The following KLF12 variants were observed in gnomAD, a reference collection of about 807,000 sequenced individuals.
KLF12 encodes the protein Krueppel-like factor 12.
A neutral mutation model predicts 37.8 loss-of-function variants in KLF12; 9 were observed. The observed-to-expected ratio is 0.24, with a 90% CI of 0.14 to 0.42. The LOEUF (loss-of-function observed/expected upper bound fraction) is 0.42. Among genes scored for constraint, KLF12 ranks in the 10% least tolerant of loss-of-function variants. KLF12 has a pLI of 1.00. For missense variants in KLF12, 411 were observed against 516.0 expected, an observed-to-expected ratio of 0.80 and a Z score of 1.97; for synonymous variants, 208 against 202.1, an observed-to-expected ratio of 1.03 and a Z score of -0.25.
chr13:74,020,304 C>G (rs1892808370), intron 1 of KLF12, among the ~76,000 whole-genome samples: 3 of 152,174 alleles, frequency 2.0e-5, no homozygotes, highest in Admixed American at 1.3e-4. Flanking sequence ...CTCTATTCAA[C>G]CTATCACAGC....
At chr13:74,248,255 T>C in the KLF12 span, among the ~76,000 whole-genome samples, 2 of 152,224 alleles carry the variant, frequency 1.3e-5, no homozygotes, top group Non-Finnish European at 2.9e-5. Flanking sequence ...ATTCAGATTT[T>C]GAGCCTGAAA....
intron 6 of KLF12, among the ~76,000 whole-genome samples, chr13:73,723,141 T>C (rs895560223): frequency 1.8e-4 from 28 of 152,222 alleles, no homozygotes; most frequent in African/African-American, 6.0e-4. Context: ...TCTGTTCTGG[T>C]TGGCTATATT....
chr13:73,723,671 C>T (rs1876442119), intron 6 of KLF12, among the ~76,000 whole-genome samples: 1 of 152,138 alleles, frequency 6.6e-6, no homozygotes, highest in African/African-American at 2.4e-5. Flanking sequence ...GATTTGGGGA[C>T]TCTCTAGAAT....
chr13:74,149,204 C>G, the KLF12 span, among the ~76,000 whole-genome samples: 1 of 152,192 alleles, frequency 6.6e-6, no homozygotes, highest in Non-Finnish European at 1.5e-5. Flanking sequence ...ATGCTGACAA[C>G]TCTCAAATGT....
chr13:73,882,367 G>C (rs1887021921), intron 3 of KLF12, among the ~76,000 whole-genome samples: 1 of 152,182 alleles, frequency 6.6e-6, no homozygotes, highest in East Asian at 1.9e-4. Flanking sequence ...TATACTGAAA[G>C]AGACAGACGT....
chr13:74,093,024 T>C lies in KLF12; in HGVS notation c.-32+40715A>G, dbSNP rs529733860. 1.1e-4 allele frequency among the ~76,000 whole-genome samples: 17 copies of C among 152,322 alleles called. No individual in the cohort carries two copies. In the South Asian group the frequency reaches 1.5e-3, roughly 13 times the overall value. ...TTGAGGGGAACCAGGTGGAATTTAA[T>C]GTGGATCAGAGAGACAGAAAGAAAC... is the stretch of plus-strand genomic sequence containing the variant. On this transcript the variant is annotated intron_variant, in intron 1 of 7. Coordinates refer to ENST00000377669, the MANE Select transcript of KLF12 (RefSeq NM_007249.5).
chr13:74,158,179 G>T, the KLF12 span, among the ~76,000 whole-genome samples: 2 of 152,178 alleles, frequency 1.3e-5, no homozygotes, highest in African/African-American at 4.8e-5. Context: ...TGGGTGGTCC[G>T]CATAGGTCCG....
chr13:74,175,698 A>G, the KLF12 span, among the ~76,000 whole-genome samples: 1 of 152,178 alleles, frequency 6.6e-6, no homozygotes. Context: ...TTGGAATTTT[A>G]TGAGAGACAC....
At chr13:74,233,607 A>G in the KLF12 span, among the ~76,000 whole-genome samples, 1 of 152,304 alleles carries the variant, frequency 6.6e-6, no homozygotes, top group African/African-American at 2.4e-5. Context: ...TAACTCATGA[A>G]TTGTTTGTAG....
At chr13:73,825,438 A>G (rs1028344168) in intron 4 of KLF12, among the ~76,000 whole-genome samples, 3 of 152,238 alleles carry the variant, frequency 2.0e-5, no homozygotes, top group Admixed American at 6.5e-5. Context: ...AGTATACACT[A>G]TAACACCAAG....
intron 1 of KLF12, among the ~76,000 whole-genome samples, chr13:74,086,465 G>T (rs1446934400): frequency 1.3e-5 from 2 of 152,012 alleles, no homozygotes; most frequent in South Asian, 2.1e-4. Context: ...TTTTATGGCT[G>T]CATAGTATTC....
intron 1 of KLF12, among the ~76,000 whole-genome samples, chr13:74,073,045 G>A (rs1197612800): frequency 6.6e-6 from 1 of 152,100 alleles, no homozygotes; most frequent in Non-Finnish European, 1.5e-5. Context: ...GTTTTATAAG[G>A]GCAGTTCCCC....
chr13:74,007,540 G>A (rs772050240), intron 1 of KLF12, among the ~76,000 whole-genome samples: 69 of 152,266 alleles, frequency 4.5e-4, no homozygotes, highest in South Asian at 1.2e-3. Context: ...CTCCCAGTGT[G>A]CTGGGATTAC....
At chr13:73,927,429 G>A (rs191124887) in intron 3 of KLF12, among the ~76,000 whole-genome samples, 40 of 152,206 alleles carry the variant, frequency 2.6e-4, no homozygotes, top group Middle Eastern at 3.4e-3. Flanking sequence ...ATTCCCATCC[G>A]TGTTTTCCAC....
intron 3 of KLF12, among the ~76,000 whole-genome samples, chr13:73,874,394 T>C (rs1164165408): frequency 6.6e-6 from 1 of 152,196 alleles, no homozygotes; most frequent in Non-Finnish European, 1.5e-5. Context: ...CGCACTACCA[T>C]AAATTAGAAA....
At chr13:74,026,883 T>G (rs188966746) in intron 1 of KLF12, among the ~76,000 whole-genome samples, 2 of 152,220 alleles carry the variant, frequency 1.3e-5, no homozygotes, top group East Asian at 3.9e-4. Context: ...CACGGTGAAG[T>G]CAGGTGCCCT....
intron 6 of KLF12, among the ~76,000 whole-genome samples, chr13:73,733,111 C>A (rs1210427338): frequency 6.6e-6 from 1 of 152,170 alleles, no homozygotes; most frequent in Non-Finnish European, 1.5e-5. Context: ...CACCCTTACT[C>A]CTTCCCCCCA....
chr13:74,151,244 G>T, the KLF12 span, among the ~76,000 whole-genome samples: 13 of 152,094 alleles, frequency 8.5e-5, no homozygotes, highest in Non-Finnish European at 1.8e-4. Context: ...AATGTCATTT[G>T]GGGAATATTT....
At chr13:73,770,021 A>T (rs1880169768) in intron 5 of KLF12, among the ~76,000 whole-genome samples, 1 of 152,190 alleles carries the variant, frequency 6.6e-6, no homozygotes, top group Non-Finnish European at 1.5e-5. Context: ...CCTATATTTT[A>T]ATTAGGTTAA....
Sources: gnomAD v4.1 joint callset for allele counts (sites outside exome capture counted in the v4.1 genomes callset) on GRCh38, gnomAD v4.1.1 for gene constraint, MANE v1.5 for transcripts, NCBI Gene and HGNC (gene_info 2026-07-23, HGNC 2026-07-21) for gene names.